The following PPP1R9A variants were observed in gnomAD, a reference collection of about 807,000 sequenced individuals.
The protein encoded by PPP1R9A is protein phosphatase 1 regulatory subunit 9A.
Under a neutral mutation model 141.9 loss-of-function variants are expected in PPP1R9A, and 59 were observed. The ratio of observed to expected loss-of-function variants is 0.42; its 90% confidence interval spans 0.34 to 0.52. The LOEUF (loss-of-function observed/expected upper bound fraction) is 0.52, where lower values mean the gene tolerates loss of function less well. Ranked by LOEUF, PPP1R9A falls within the 20% of genes least tolerant of loss-of-function variation. The pLI is 0.10. For synonymous variants in PPP1R9A, 500 were observed against 569.7 expected (o/e 0.88, Z 1.74); for missense variants, 1,444 against 1,611.9 (o/e 0.90, Z 1.78).
rs748908801 is a variant in PPP1R9A, at chr7:95,174,380, CAAG to C, written c.1754+12413_1754+12415del. ...ACGAAGGGAGGGAATTGTCTGCAAA[CAAG>C]AAGGAAGGACCATTTCTGAGGTGAT... On this transcript the variant is annotated intron_variant, in intron 5 of 19. Coordinates refer to ENST00000433360, the MANE Select transcript of PPP1R9A (RefSeq NM_001166160.2). Among the ~76,000 whole-genome samples, 54 of 152,052 alleles carry C rather than the reference CAAG, an allele frequency of 3.6e-4. 1 individual carries two copies. Among genetic ancestry groups the C allele is most frequent in the Admixed American group, 2.2e-3 (34 of 15,240 alleles).
intron 4 of PPP1R9A, among the ~76,000 whole-genome samples, chr7:95,146,344 GTTGT>G (rs1469354604): frequency 7.9e-5 from 12 of 152,120 alleles, no homozygotes; most frequent in Non-Finnish European, 1.8e-4. Context: ...TTTTGATGGG[GTTGT>G]TTGTTTTTTT....
chr7:95,225,924 A>G, intron 7 of PPP1R9A, 37 bp from the exon 8 acceptor site: 2 of 1,567,812 alleles, frequency 1.3e-6, no homozygotes, highest in Non-Finnish European at 1.7e-6. Context: ...CACCTGGGGT[A>G]AGGACAGCTG....
chr7:94,938,334 T>C lies in PPP1R9A; in HGVS notation c.1395+26826T>C, dbSNP rs189876009. ...TGTCTTCCATGAAACCGGTCCCTTA[T>C]GCCAAAAAGGTTGGGGAGTGCTGGA... On this transcript the variant is annotated intron_variant, in intron 2 of 19. Transcript: ENST00000433360. 8.0e-4 allele frequency among the ~76,000 whole-genome samples: 122 copies of C among 152,274 alleles called. 1 individual carries two copies. The highest frequency in any genetic ancestry group is 3.4e-3 in the Middle Eastern group (1 of 294).
chr7:95,062,790 TA>T (rs915356096), intron 2 of PPP1R9A, among the ~76,000 whole-genome samples: 27 of 149,588 alleles, frequency 1.8e-4, no homozygotes, highest in Non-Finnish European at 2.4e-4. Flanking sequence ...TTCTATGTTT[TA>T]AAAAAAAAAT....
chr7:95,093,575 A>G (rs1817634292), intron 2 of PPP1R9A, among the ~76,000 whole-genome samples: 1 of 152,222 alleles, frequency 6.6e-6, no homozygotes, highest in African/African-American at 2.4e-5. Flanking sequence ...ACTTAGTCAC[A>G]TTAAAATGAT....
intron 3 of PPP1R9A, among the ~76,000 whole-genome samples, chr7:95,118,720 C>G (rs1821951557): frequency 6.6e-6 from 1 of 151,546 alleles, no homozygotes; most frequent in South Asian, 2.1e-4. Flanking sequence ...ATCCATAATA[C>G]CAGCACTTTG....
At chr7:95,104,071 A>C (rs1819180408) in intron 2 of PPP1R9A, among the ~76,000 whole-genome samples, 1 of 152,234 alleles carries the variant, frequency 6.6e-6, no homozygotes, top group East Asian at 1.9e-4. Flanking sequence ...AATCTACACA[A>C]GACAATGTAT....
Position 94,925,904 on chromosome 7 carries a change from A to G in PPP1R9A, c.1395+14396A>G, listed in dbSNP as rs375224381. ...TGCAGTGACATGATCACAGCTCACT[A>G]CAGCCTCGACCTCTGGGCTCAAGGG... is the stretch of plus-strand genomic sequence containing the variant. On this transcript the variant is annotated intron_variant, in intron 2 of 19. Coordinates refer to ENST00000433360, the MANE Select transcript of PPP1R9A (RefSeq NM_001166160.2). 5.3e-5 allele frequency among the ~76,000 whole-genome samples: 8 copies of G among 152,182 alleles called. No individual in the cohort carries two copies. In the East Asian group the frequency reaches 1.4e-3, roughly 26 times the overall value.
intron 5 of PPP1R9A, among the ~76,000 whole-genome samples, chr7:95,189,040 TGAA>T (rs980191561): frequency 6.6e-6 from 1 of 152,170 alleles, no homozygotes; most frequent in Non-Finnish European, 1.5e-5. Context: ...CTCTCCATTT[TGAA>T]GCTTAGTTTT....
chr7:95,232,665 C>G (rs2152967935), intron 8 of PPP1R9A, among the ~76,000 whole-genome samples: 1 of 152,100 alleles, frequency 6.6e-6, no homozygotes, highest in South Asian at 2.1e-4. Context: ...GGAACTTAAA[C>G]AAATTTACAA....
At chr7:95,235,248 A>G (rs1176291408) in intron 8 of PPP1R9A, among the ~76,000 whole-genome samples, 1 of 152,194 alleles carries the variant, frequency 6.6e-6, no homozygotes, top group African/African-American at 2.4e-5. Flanking sequence ...ACTGGGAGAA[A>G]GTCTTTGCCA....
intron 2 of PPP1R9A, chr7:95,036,012 A>T (rs961455920): frequency 6.6e-6 from 1 of 152,238 alleles, no homozygotes; most frequent in African/African-American, 2.4e-5. Flanking sequence ...TAAGTAATGC[A>T]GTTGTGATAT....
chr7:95,284,434 A>G (rs929816347), intron 17 of PPP1R9A, 104 bp downstream of exon 17: 48 of 1,118,552 alleles, frequency 4.3e-5, no homozygotes, highest in Admixed American at 9.0e-5. Context: ...TAGATTGTAC[A>G]TTACTCTTTG....
intron 12 of PPP1R9A, among the ~76,000 whole-genome samples, chr7:95,267,980 G>A (rs1408623964): frequency 6.6e-5 from 10 of 152,016 alleles, no homozygotes; most frequent in Non-Finnish European, 1.3e-4. Context: ...TTCCTCACTG[G>A]TCTTTCTACA....
chr7:94,981,975 A>C (rs1563078044), intron 2 of PPP1R9A, among the ~76,000 whole-genome samples: 33 of 139,686 alleles, frequency 2.4e-4, no homozygotes, highest in South Asian at 9.6e-4. Context: ...CCCTCCCCCA[A>C]CCCCCCACCC....
intron 2 of PPP1R9A, among the ~76,000 whole-genome samples, chr7:95,088,224 G>A (rs1816889492): frequency 1.3e-5 from 2 of 151,892 alleles, no homozygotes; most frequent in Admixed American, 1.3e-4. Context: ...GGATGTAATA[G>A]TCAATATAAT....
intron 2 of PPP1R9A, among the ~76,000 whole-genome samples, chr7:95,073,376 A>G (rs915806134): frequency 6.6e-6 from 1 of 152,258 alleles, no homozygotes; most frequent in East Asian, 1.9e-4. Flanking sequence ...AACATAGCAT[A>G]AGAGTAACTT....
chr7:95,251,940 A>G lies in PPP1R9A; in HGVS notation c.2494-19A>G. The G allele has an allele frequency of 5.0e-6, 8 of 1,606,182 alleles. No individual in the cohort carries two copies. In the African/African-American group the frequency reaches 6.7e-5, roughly 14 times the overall value. On this transcript the variant is annotated intron_variant, in intron 11 of 19. Transcript: ENST00000433360. ...GGAGCGCTAGTTTAGAGTTTTATAA[A>G]TGGATTTGTTTTTCCTAGATTAGAG... is the stretch of plus-strand genomic sequence containing the variant.
chr7:95,264,151 C>T (rs913948728), intron 12 of PPP1R9A, among the ~76,000 whole-genome samples: 1 of 152,140 alleles, frequency 6.6e-6, no homozygotes, highest in African/African-American at 2.4e-5. Flanking sequence ...ATCTATTAAC[C>T]CAAACCCCAG....
Sources: gnomAD v4.1 joint callset for allele counts (sites outside exome capture counted in the v4.1 genomes callset) on GRCh38, gnomAD v4.1.1 for gene constraint, MANE v1.5 for transcripts, NCBI Gene and HGNC (gene_info 2026-07-23, HGNC 2026-07-21) for gene names.